Variants in AGTR1 observed in about 807,000 individuals in gnomAD.
AGTR1 encodes angiotensin II receptor type 1.
Under a neutral mutation model 19.4 loss-of-function variants are expected in AGTR1, and 16 were observed. That is an observed-to-expected ratio of 0.82 (90% CI 0.56 to 1.25). AGTR1 has a LOEUF of 1.25. AGTR1 is among the 50% of genes most tolerant of loss of function. The pLI is 0.00. For missense variants in AGTR1, 373 were observed against 431.9 expected, an observed-to-expected ratio of 0.86 and a Z score of 1.21; for synonymous variants, 153 against 154.9, an observed-to-expected ratio of 0.99 and a Z score of 0.09.
chr3:148,704,801 T>C (rs1271854743), intron 1 of AGTR1, among the ~76,000 whole-genome samples: 1 of 152,198 alleles, frequency 6.6e-6, no homozygotes, highest in African/African-American at 2.4e-5. Flanking sequence ...CCTGGGATCA[T>C]GTTTGAGGGG....
intron 2 of AGTR1, among the ~76,000 whole-genome samples, chr3:148,721,390 T>C (rs1559927162): frequency 6.6e-6 from 1 of 152,180 alleles, no homozygotes; most frequent in Admixed American, 6.5e-5. Flanking sequence ...TCAAGTAGCA[T>C]GTAAGATGTA....
chr3:148,730,524 T>C (rs1340379375), intron 2 of AGTR1: 1 of 267,690 alleles, frequency 3.7e-6, no homozygotes, highest in Non-Finnish European at 7.0e-6. Context: ...GTTTCTCATA[T>C]TCAGTTTTTG....
chr3:148,704,805 T>C (rs749780629), intron 1 of AGTR1, among the ~76,000 whole-genome samples: 6 of 152,194 alleles, frequency 3.9e-5, no homozygotes, highest in Non-Finnish European at 8.8e-5. Context: ...GGATCATGTT[T>C]GAGGGGAAAC....
chr3:148,728,079 C>T (rs535135223), intron 2 of AGTR1, among the ~76,000 whole-genome samples: 2 of 152,154 alleles, frequency 1.3e-5, no homozygotes, highest in African/African-American at 4.8e-5. Context: ...CCCTGGAGTA[C>T]AAAATCAGTC....
intron 2 of AGTR1, among the ~76,000 whole-genome samples, chr3:148,709,168 CTG>C (rs12721313): frequency 0.43 from 65,480 of 151,668 alleles, 15,913 homozygotes; most frequent in African/African-American, 0.68. Context: ...GGAATCTGGA[CTG>C]TGCAGATTTT....
chr3:148,732,982 C>A (rs1424005413), intron 2 of AGTR1, among the ~76,000 whole-genome samples: 1 of 151,636 alleles, frequency 6.6e-6, no homozygotes, highest in Non-Finnish European at 1.5e-5. Context: ...CCTCGTGATC[C>A]GCCCGCCTCG....
chr3:148,732,973 CTCGTG>C (rs1470808833), intron 2 of AGTR1, among the ~76,000 whole-genome samples: 2 of 151,664 alleles, frequency 1.3e-5, no homozygotes, highest in African/African-American at 4.8e-5. Context: ...ATCTCCTGAC[CTCGTG>C]ATCCGCCCGC....
chr3:148,714,863 A>AAATATAAC (rs1296944872), intron 2 of AGTR1, among the ~76,000 whole-genome samples: 61 of 152,196 alleles, frequency 4.0e-4, no homozygotes, highest in African/African-American at 1.4e-3. Context: ...CTGGGCCTGA[A>AAATATAAC]AATATAACTT....
At chr3:148,721,793 A>G (rs1294671773) in intron 2 of AGTR1, among the ~76,000 whole-genome samples, 1 of 152,224 alleles carries the variant, frequency 6.6e-6, no homozygotes, top group Non-Finnish European at 1.5e-5. Context: ...GCTTCAGTGC[A>G]TGTGGGCAAA....
intron 2 of AGTR1, among the ~76,000 whole-genome samples, chr3:148,708,801 A>C (rs1369815713): frequency 4.6e-5 from 7 of 152,204 alleles, no homozygotes; most frequent in African/African-American, 1.7e-4. Flanking sequence ...ACTCAGTTCA[A>C]AGAACAAGCC....
intron 1 of AGTR1, among the ~76,000 whole-genome samples, chr3:148,702,600 C>T (rs547886247): frequency 6.6e-6 from 1 of 152,316 alleles, no homozygotes; most frequent in South Asian, 2.1e-4. Flanking sequence ...AATGGCCCCT[C>T]CTTCTGTCCT....
At chr3:148,699,780 GTCTGTTACCCACTCTCTC>G (rs1385595259) in intron 1 of AGTR1, among the ~76,000 whole-genome samples, 3 of 152,170 alleles carry the variant, frequency 2.0e-5, no homozygotes, top group Non-Finnish European at 4.4e-5. Context: ...TTAGTTTCAA[GTCTGTTACCCACTCTCTC>G]TCCCCGCCAC....
chr3:148,727,038 GTCTAT>G (rs1713988375), intron 2 of AGTR1, among the ~76,000 whole-genome samples: 2 of 152,152 alleles, frequency 1.3e-5, no homozygotes, highest in Non-Finnish European at 2.9e-5. Context: ...GGGCATAGAT[GTCTAT>G]TAATATTGCT....
intron 2 of AGTR1, among the ~76,000 whole-genome samples, chr3:148,738,242 C>T (rs1714681311): frequency 6.6e-6 from 1 of 152,114 alleles, no homozygotes; most frequent in Non-Finnish European, 1.5e-5. Flanking sequence ...GTACTCCCTT[C>T]TATTTTTTAC....
chr3:148,735,075 A>C (rs3772612), intron 2 of AGTR1, among the ~76,000 whole-genome samples: 5,034 of 152,224 alleles, frequency 0.033, 111 homozygotes, highest in East Asian at 0.053. Context: ...AGCTGAGATA[A>C]AGTTCCAGTG....
intron 2 of AGTR1, among the ~76,000 whole-genome samples, chr3:148,723,090 A>G (rs1713737262): frequency 6.6e-6 from 1 of 152,240 alleles, no homozygotes; most frequent in African/African-American, 2.4e-5. Flanking sequence ...ACTATTAATC[A>G]GAAATACTCC....
intron 2 of AGTR1, among the ~76,000 whole-genome samples, chr3:148,711,049 C>A (rs1712953242): frequency 1.3e-5 from 2 of 152,178 alleles, no homozygotes; most frequent in Non-Finnish European, 2.9e-5. Context: ...TCAGTTAAAG[C>A]TCTTTTCTTT....
In AGTR1 at chr3:148,741,668, T is replaced by G; in HGVS notation, c.633T>G (p.Ile211Met). 2.5e-6 allele frequency: 4 copies of G among 1,614,106 alleles called. No individual in the cohort carries two copies. Among genetic ancestry groups the G allele is most frequent in the Non-Finnish European group, 3.4e-6 (4 of 1,179,978 alleles). The part of the protein sequence containing the change: ...ILGFLFPFLI[I>M]LTSYTLIWKA... ...GTTTCCTGTTTCCTTTTCTGATCAT[T>G]CTTACAAGTTATACTCTTATTTGGA... The change falls in exon 3 of 3, where the codon ATT (isoleucine) becomes ATG (methionine). Residue 211 changes from isoleucine (I) to methionine (M), a missense_variant. Transcript: ENST00000349243.
chr3:148,740,049 A>G, intron 2 of AGTR1: 2 of 1,074,250 alleles, frequency 1.9e-6, no homozygotes, highest in Middle Eastern at 6.9e-4. Context: ...TCTAAATCAC[A>G]TAAATGAATA....
Sources: allele counts gnomAD v4.1 joint callset (sites outside exome capture counted in the v4.1 genomes callset), GRCh38; gene constraint gnomAD v4.1.1; transcripts MANE v1.5; gene names NCBI Gene and HGNC (gene_info 2026-07-23, HGNC 2026-07-21).